Variants in CCDC178 observed in about 807,000 individuals in gnomAD.
CCDC178 encodes coiled-coil domain containing 178, also known as coiled-coil domain-containing protein 178.
CCDC178 carries 126 observed loss-of-function variants against 117.4 expected under a neutral mutation model. That is an observed-to-expected ratio of 1.07 (90% confidence interval 0.93 to 1.24). The LOEUF (loss-of-function observed/expected upper bound fraction) is 1.24. Ranked by LOEUF, CCDC178 falls within the 50% of genes most tolerant of loss-of-function variation. The pLI is 0.00. For missense variants in CCDC178, 1,030 were observed against 986.9 expected (o/e 1.04, Z -0.59); for synonymous variants, 283 against 313.4 (o/e 0.90, Z 1.02).
At position 32,974,797 on chromosome 18, in the gene CCDC178, A is replaced by C. The variant is rs1225053548; in HGVS notation, c.2389-116T>G. On this transcript the variant is annotated intron_variant, in intron 21 of 22. Coordinates refer to ENST00000383096, the MANE Select transcript of CCDC178 (RefSeq NM_001105528.4). ...GAAAGCAGTCAATAGCCCATTCTGC[A>C]CTGCACGGACCTGACAGGAATTTCA... 2.8e-5 allele frequency: 27 copies of C among 955,648 alleles called. No homozygotes were observed. The Admixed American group carries it at 5.8e-4, about 20-fold the overall frequency. 59.2% of individuals were successfully genotyped at this position (955,648 alleles called of 1,614,324 possible). A position where few individuals can be genotyped will look rare whatever the true frequency, so the allele number is the denominator to read the frequency against.
intron 7 of CCDC178, 36 bp from the exon 8 acceptor site, chr18:33,349,011 A>G (rs771288861): frequency 2.2e-6 from 3 of 1,389,326 alleles, no homozygotes; most frequent in Non-Finnish European, 9.9e-7. Flanking sequence ...GTAAAGAAGT[A>G]CTTAAAGTTA....
chr18:32,994,435 C>A (rs1004607111), intron 21 of CCDC178, among the ~76,000 whole-genome samples: 6 of 152,270 alleles, frequency 3.9e-5, no homozygotes, highest in Non-Finnish European at 8.8e-5. Flanking sequence ...ATAATTTTAA[C>A]TCTTTTTTAA....
At chr18:33,267,697 G>A (rs1466555796) in intron 12 of CCDC178, among the ~76,000 whole-genome samples, 1 of 150,756 alleles carries the variant, frequency 6.6e-6, no homozygotes, top group Non-Finnish European at 1.5e-5. Flanking sequence ...GGAAAGACTA[G>A]GTAAACAATT....
At chr18:33,233,439 T>A (rs939482415) in intron 15 of CCDC178, among the ~76,000 whole-genome samples, 3 of 152,116 alleles carry the variant, frequency 2.0e-5, no homozygotes, top group African/African-American at 4.8e-5. Flanking sequence ...GTATATAAAG[T>A]AATATGCTTA....
At chr18:33,284,645 T>C (rs1251354249) in intron 12 of CCDC178, among the ~76,000 whole-genome samples, 1 of 152,184 alleles carries the variant, frequency 6.6e-6, no homozygotes, top group Non-Finnish European at 1.5e-5. Context: ...GGAATCAGCA[T>C]TAAGTATTTG....
At position 33,096,539 on chromosome 18, in the gene CCDC178, GAAGA is replaced by G. The variant is rs768946659; in HGVS notation, c.2239-3633_2239-3630del. 2.6e-5 allele frequency among the ~76,000 whole-genome samples: 4 copies of G among 151,794 alleles called. No homozygotes were observed. The East Asian group carries it at 7.8e-4, about 30-fold the overall frequency. ...ACTGAGACTTACACAGTCACCTTCA[GAAGA>G]AAGAAAATTACCCAGGATAGTAAAT... On this transcript the variant is annotated intron_variant, in intron 20 of 22. Transcript: ENST00000383096.
intron 15 of CCDC178, among the ~76,000 whole-genome samples, chr18:33,233,710 T>C (rs2059394487): frequency 6.6e-6 from 1 of 152,242 alleles, no homozygotes; most frequent in South Asian, 2.1e-4. Flanking sequence ...ATACACAATA[T>C]TATGTATTTA....
At chr18:32,985,949 CA>C (rs929276948) in intron 21 of CCDC178, among the ~76,000 whole-genome samples, 1 of 151,932 alleles carries the variant, frequency 6.6e-6, no homozygotes, top group Non-Finnish European at 1.5e-5. Flanking sequence ...ATAGTTCTAC[CA>C]AACTGGATTC....
chr18:33,405,304 A>C (rs1462851199), intron 3 of CCDC178, among the ~76,000 whole-genome samples: 3 of 151,726 alleles, frequency 2.0e-5, no homozygotes, highest in Non-Finnish European at 4.4e-5. Context: ...CATCTGTATA[A>C]ATACATCTAT....
intron 21 of CCDC178, among the ~76,000 whole-genome samples, chr18:33,009,086 G>T (rs896376068): frequency 9.9e-5 from 15 of 151,892 alleles, no homozygotes; most frequent in African/African-American, 3.6e-4. Context: ...CCTTCATCTG[G>T]TCATCAGAAG....
intron 21 of CCDC178, among the ~76,000 whole-genome samples, chr18:33,006,780 C>T (rs920004401): frequency 2.0e-4 from 31 of 152,014 alleles, no homozygotes; most frequent in African/African-American, 7.2e-4. Flanking sequence ...ATGAGAGGCC[C>T]TTTGAAAGGG....
chr18:33,244,490 A>G (rs552137117), intron 15 of CCDC178, among the ~76,000 whole-genome samples: 49 of 151,956 alleles, frequency 3.2e-4, no homozygotes, highest in African/African-American at 1.1e-3. Context: ...TGCTATTCTC[A>G]TGATAGTGAG....
chr18:33,354,766 A>T (rs2063030873), intron 7 of CCDC178, among the ~76,000 whole-genome samples: 1 of 152,020 alleles, frequency 6.6e-6, no homozygotes, highest in South Asian at 2.1e-4. Context: ...GCAGGCCACC[A>T]TGCGCAGCTA....
At chr18:32,983,017 G>A (rs1187890054) in intron 21 of CCDC178, among the ~76,000 whole-genome samples, 1 of 151,946 alleles carries the variant, frequency 6.6e-6, no homozygotes, top group East Asian at 1.9e-4. Flanking sequence ...GTACCAGCTG[G>A]CATGGGTTGT....
chr18:33,002,976 C>T lies in CCDC178; in HGVS notation c.2389-28295G>A, dbSNP rs114410496. Among the ~76,000 whole-genome samples the T allele has an allele frequency of 9.7e-3, 1,475 of 151,980 alleles. 25 individuals carry two copies. The highest frequency in any genetic ancestry group is 0.034 in the African/African-American group (1,411 of 41,472). Reference sequence around the variant, plus strand: ...CATACAACCTATCAAGATTGAACCACGAAGAAAGCCACAATCTGAACAGAC... The same window carrying T: ...CATACAACCTATCAAGATTGAACCATGAAGAAAGCCACAATCTGAACAGAC... On this transcript the variant is annotated intron_variant, in intron 21 of 22. Transcript: ENST00000383096.
intron 16 of CCDC178, among the ~76,000 whole-genome samples, chr18:33,225,491 T>C (rs2059292439): frequency 6.6e-6 from 1 of 152,120 alleles, no homozygotes; most frequent in South Asian, 2.1e-4. Context: ...AATACAGTTA[T>C]TGTTAGAAGG....
At chr18:33,034,676 G>A (rs1237431558) in intron 21 of CCDC178, among the ~76,000 whole-genome samples, 1 of 151,906 alleles carries the variant, frequency 6.6e-6, no homozygotes, top group African/African-American at 2.4e-5. Flanking sequence ...TCTTTGTTGT[G>A]TACACAATGA....
chr18:32,993,957 G>C (rs1347432483), intron 21 of CCDC178, among the ~76,000 whole-genome samples: 2 of 151,878 alleles, frequency 1.3e-5, no homozygotes, highest in East Asian at 3.9e-4. Flanking sequence ...GGTTAATTCT[G>C]TACAACACAG....
In CCDC178 at chr18:33,339,276, C is replaced by T. The variant is rs184768848; in HGVS notation, c.659-5882G>A. Among the ~76,000 whole-genome samples the T allele has an allele frequency of 1.1e-4, 17 of 151,808 alleles. No individual in the cohort carries two copies. In the East Asian group the frequency reaches 3.1e-3, roughly 28 times the overall value. On this transcript the variant is annotated intron_variant, in intron 9 of 22. Coordinates refer to ENST00000383096, the MANE Select transcript of CCDC178 (RefSeq NM_001105528.4). ...AAATTCAGTGGTATAAAAGCTGAAACATAGTAATCAATAAAGGAAGCAAAA... is the reference window on the plus strand; with the variant it reads ...AAATTCAGTGGTATAAAAGCTGAAATATAGTAATCAATAAAGGAAGCAAAA...
Sources: gnomAD v4.1 joint callset for allele counts (sites outside exome capture counted in the v4.1 genomes callset) on GRCh38, gnomAD v4.1.1 for gene constraint, MANE v1.5 for transcripts, NCBI Gene and HGNC (gene_info 2026-07-23, HGNC 2026-07-21) for gene names.